The following HADH variants were observed in gnomAD, a reference collection of about 807,000 sequenced individuals.
HADH encodes hydroxyacyl-CoA dehydrogenase.
HADH carries 24 observed loss-of-function variants against 32.2 expected under a neutral mutation model. The observed-to-expected ratio is 0.75, with a 90% CI of 0.54 to 1.05. The LOEUF is 1.05. Among genes scored for constraint, HADH ranks in the 50% least tolerant of loss-of-function variants. HADH has a pLI of 0.00. For synonymous variants in HADH, 139 were observed against 152.5 expected (o/e 0.91, Z 0.65); for missense variants, 350 against 397.1 (o/e 0.88, Z 1.01).
intron 6 of HADH, 74 bp downstream of exon 6, chr4:108,027,834 T>G: frequency 6.7e-6 from 6 of 895,992 alleles, no homozygotes; most frequent in Non-Finnish European, 1.1e-5. Flanking sequence ...TCAGTGTCTC[T>G]AGGAGGGGTC....
intron 3 of HADH, among the ~76,000 whole-genome samples, chr4:108,018,440 A>G (rs183195829): frequency 0.012 from 1,775 of 151,084 alleles, 15 homozygotes; most frequent in Admixed American, 0.018. Context: ...TTTTTTTTTT[A>G]AAAAGGAAAC....
Position 108,014,630 on chromosome 4 carries a change from C to A in HADH, c.419+42C>A, listed in dbSNP as rs769044084. On this transcript the variant is annotated intron_variant, in intron 3 of 7. Coordinates refer to ENST00000309522, the MANE Select transcript of HADH (RefSeq NM_005327.7). ...CAATCTTCTTTTTTTTTTTTTTTAA[C>A]CTTATTTTTGTTTTTCATTTTTATT... 52 of 1,514,690 alleles carry A rather than the reference C, an allele frequency of 3.4e-5. 1 individual carries two copies. Among genetic ancestry groups the A allele is most frequent in the Non-Finnish European group, 4.6e-5 (50 of 1,098,892 alleles). The allele number at this position is 1,514,690 out of a possible 1,614,324, so 93.8% of individuals were successfully genotyped here.
chr4:108,032,857 C>A (rs13116685), intron 6 of HADH: 23 of 393,418 alleles, frequency 5.8e-5, no homozygotes, highest in Non-Finnish European at 9.6e-5. Context: ...GGGCGCACAC[C>A]TGTAGTCTCA....
chr4:108,023,942 T>G, intron 5 of HADH: 1 of 190,244 alleles, frequency 5.3e-6, no homozygotes, highest in Non-Finnish European at 1.1e-5. Context: ...GGGCTTTACT[T>G]TTGCAAGAAA....
At chr4:108,026,695 A>G (rs1429774703) in intron 5 of HADH, 1 of 152,164 alleles carries the variant, frequency 6.6e-6, no homozygotes, top group Non-Finnish European at 1.5e-5. Flanking sequence ...GTGCCTGGTC[A>G]TCTGTAATTC....
At chr4:108,004,056 C>T (rs1735208336) in intron 1 of HADH, among the ~76,000 whole-genome samples, 1 of 152,208 alleles carries the variant, frequency 6.6e-6, no homozygotes, top group South Asian at 2.1e-4. Context: ...CAGACCCCGC[C>T]ATGCCTTCCA....
chr4:108,007,252 G>T (rs902510553), intron 1 of HADH, among the ~76,000 whole-genome samples: 1 of 151,978 alleles, frequency 6.6e-6, no homozygotes, highest in Non-Finnish European at 1.5e-5. Context: ...GACTACAGGC[G>T]CCCGCCACCA....
intron 1 of HADH, among the ~76,000 whole-genome samples, chr4:107,993,894 G>C (rs1381719249): frequency 6.4e-5 from 9 of 140,964 alleles, no homozygotes; most frequent in Non-Finnish European, 1.3e-4. Flanking sequence ...AGCCTTGAGT[G>C]GGGGACAGGT....
chr4:108,001,594 T>C (rs1403516352), intron 1 of HADH, among the ~76,000 whole-genome samples: 1 of 152,344 alleles, frequency 6.6e-6, no homozygotes, highest in East Asian at 1.9e-4. Context: ...AGTACATTCC[T>C]AGACCCTCAG....
chr4:108,019,967 T>C (rs1735828545), intron 4 of HADH, among the ~76,000 whole-genome samples: 1 of 152,178 alleles, frequency 6.6e-6, no homozygotes, highest in African/African-American at 2.4e-5. Context: ...CTAGAAACCG[T>C]GGGCTGGATG....
At position 108,014,494 on chromosome 4, in the gene HADH, G is replaced by A. The variant is rs199810422; in HGVS notation, c.325G>A (p.Val109Ile). 3.0e-5 allele frequency: 48 copies of A among 1,614,092 alleles called. No homozygotes were observed. The highest frequency in any genetic ancestry group is 5.0e-5 in the Admixed American group (3 of 60,018). The change falls in exon 3 of 8, where the codon GTT (valine) becomes ATT (isoleucine). Residue 109 changes from valine to isoleucine, a missense_variant. Coordinates refer to ENST00000309522, the MANE Select transcript of HADH (RefSeq NM_005327.7). ...AGCGACCAGCACGGATGCAGCCTCC[G>A]TTGTCCACAGCACAGACTTGGTGGT... Reference protein sequence around the residue: ...TIATSTDAASVVHSTDLVVEA... With the variant: ...TIATSTDAASIVHSTDLVVEA...
chr4:108,023,440 ACT>A, intron 4 of HADH, 32 bp from the exon 5 acceptor site: 1 of 1,310,928 alleles, frequency 7.6e-7, no homozygotes, highest in Non-Finnish European at 1.1e-6. Flanking sequence ...GCTTGCTGAC[ACT>A]CTGGTCATAA....
rs552050740 is a variant in HADH at position 108,034,543 on chromosome 4, A to C, written c.*186A>C. The C allele has an allele frequency of 5.2e-5, 32 of 615,828 alleles. No homozygotes were observed. Among genetic ancestry groups the C allele is most frequent in the South Asian group, 4.9e-4 (30 of 61,226 alleles). 38.1% of individuals were successfully genotyped at this position (615,828 alleles called of 1,614,324 possible). The stretch of plus-strand genomic sequence containing the variant: ...TTACAGCAGTAATAGATTCTCCATT[A>C]AGAAATAATTCCCTTTTTTAGTCTG... On this transcript the variant is annotated 3_prime_UTR_variant, in exon 8 of 8. Coordinates refer to ENST00000309522, the MANE Select transcript of HADH (RefSeq NM_005327.7).
chr4:108,027,481 G>A lies in HADH; in HGVS notation c.637-207G>A, dbSNP rs1736105877. On this transcript the variant is annotated intron_variant, in intron 5 of 7. Transcript: ENST00000309522. ...AGGATCTGTGCAGTGGGGCATCTGG[G>A]TTTGAATGTTTTTTTAAGTACTATG... The A allele has an allele frequency of 6.4e-6, 4 of 627,698 alleles. No individual in the cohort carries two copies. The East Asian group carries it at 1.1e-4, about 18-fold the overall frequency. 38.9% of individuals were successfully genotyped at this position (627,698 alleles called of 1,614,324 possible).
chr4:108,034,370 C>A lies in HADH; in HGVS notation c.*13C>A. Reference sequence around the variant, plus strand: ...CAAATACAAGTGATGTGCAGCTTCTCCGGCTCTGAGAAGAACACCTGAGAG... The same window carrying A: ...CAAATACAAGTGATGTGCAGCTTCTACGGCTCTGAGAAGAACACCTGAGAG... On this transcript the variant is annotated 3_prime_UTR_variant, in exon 8 of 8. Coordinates refer to ENST00000309522, the MANE Select transcript of HADH (RefSeq NM_005327.7). The A allele has an allele frequency of 1.3e-6, 2 of 1,489,520 alleles. No homozygotes were observed. Among genetic ancestry groups the A allele is most frequent in the Admixed American group, 1.7e-5 (1 of 59,852 alleles). The allele number at this position is 1,489,520 out of a possible 1,614,324, so 92.3% of individuals were successfully genotyped here. A position where few individuals can be genotyped will look rare whatever the true frequency, so the allele number is the denominator to read the frequency against.
chr4:108,025,605 C>T (rs1266298207), intron 5 of HADH: 3 of 152,178 alleles, frequency 2.0e-5, no homozygotes, highest in Non-Finnish European at 4.4e-5. Flanking sequence ...GATTGTGTCT[C>T]CTGCTAGGCA....
rs958740176 is a variant in HADH, at chr4:108,012,016, C to T, written c.261+2129C>T. Among the ~76,000 whole-genome samples, 65 of 152,002 alleles carry T rather than the reference C, an allele frequency of 4.3e-4. 1 individual carries two copies. The highest frequency in any genetic ancestry group is 1.5e-3 in the African/African-American group (63 of 41,456). On this transcript the variant is annotated intron_variant, in intron 2 of 7. Coordinates refer to ENST00000309522, the MANE Select transcript of HADH (RefSeq NM_005327.7). ...AAGCCATTCTCTCACCTCAGCCTCC[C>T]GAGTAGCTAGGACTATAGATGTGAG... is the stretch of plus-strand genomic sequence containing the variant.
At chr4:108,019,101 T>C (rs1027992545) in intron 3 of HADH, among the ~76,000 whole-genome samples, 4 of 152,212 alleles carry the variant, frequency 2.6e-5, no homozygotes, top group Non-Finnish European at 4.4e-5. Context: ...TGAGGATTTA[T>C]GTGTTCATTT....
At chr4:108,021,596 G>A (rs1054335801) in intron 4 of HADH, among the ~76,000 whole-genome samples, 3 of 152,078 alleles carry the variant, frequency 2.0e-5, no homozygotes, top group African/African-American at 2.4e-5. Flanking sequence ...ATTACTGTTC[G>A]TTGAATGAAT....
Sources: gnomAD v4.1 joint callset for allele counts (sites outside exome capture counted in the v4.1 genomes callset) on GRCh38, gnomAD v4.1.1 for gene constraint, MANE v1.5 for transcripts, NCBI Gene and HGNC (gene_info 2026-07-23, HGNC 2026-07-21) for gene names.